DENND4A: variants seen among roughly 807,000 people sequenced by gnomAD.
DENND4A encodes the protein DENN domain containing 4A, also known as C-myc promoter-binding protein.
In DENND4A, 70 loss-of-function variants were observed where a neutral mutation model predicts 199.3. The observed-to-expected ratio is 0.35, with a 90% CI of 0.29 to 0.43. DENND4A has a LOEUF of 0.43. DENND4A is among the 20% of genes least tolerant of loss of function. The pLI is 1.00. For synonymous variants in DENND4A, 686 were observed against 766.9 expected, an observed-to-expected ratio of 0.89 and a Z score of 1.74; for missense variants, 1,723 against 2,255.8, an observed-to-expected ratio of 0.76 and a Z score of 4.78.
chr15:65,748,546 G>A (rs1366926937), intron 4 of DENND4A, among the ~76,000 whole-genome samples: 2 of 151,070 alleles, frequency 1.3e-5, no homozygotes, highest in African/African-American at 4.9e-5. Flanking sequence ...GTTAGCCCAG[G>A]AGTTTGAGGC....
chr15:65,775,205 G>T (rs938367632), intron 1 of DENND4A, among the ~76,000 whole-genome samples: 4 of 151,888 alleles, frequency 2.6e-5, no homozygotes, highest in Non-Finnish European at 5.9e-5. Context: ...AATTAGCTGG[G>T]CATGATTGCT....
At chr15:65,746,872 G>A (rs942918552) in intron 4 of DENND4A, among the ~76,000 whole-genome samples, 4 of 150,584 alleles carry the variant, frequency 2.7e-5, no homozygotes, top group Non-Finnish European at 4.4e-5. Flanking sequence ...CAGAAGACCA[G>A]CCTGGCCAAT....
intron 1 of DENND4A, among the ~76,000 whole-genome samples, chr15:65,777,063 G>A (rs1399231240): frequency 6.6e-6 from 1 of 152,166 alleles, no homozygotes; most frequent in Non-Finnish European, 1.5e-5. Flanking sequence ...AGCTACTCAG[G>A]AGGCTGAGGC....
At position 65,706,196 on chromosome 15, in the gene DENND4A, C is replaced by T. The variant is rs535585248; in HGVS notation, c.1982G>A (p.Arg661Gln). The T allele has an allele frequency of 1.0e-4, 164 of 1,588,796 alleles. No homozygotes were observed. Among genetic ancestry groups the T allele is most frequent in the Non-Finnish European group, 1.3e-4 (153 of 1,167,088 alleles). The change falls in exon 15 of 33, where the codon CGA becomes CAA. Residue 661 changes from arginine (R) to glutamine (Q), a missense_variant. Transcript: ENST00000443035. ...KVDMDKSGEVRLIELDESFKS... is the reference protein window; with the variant it reads ...KVDMDKSGEVQLIELDESFKS... ...GAAAGATTCATCCAGTTCTATAAGT[C>T]GTACTTCACCGCTCTTGTCCATATC...
chr15:65,736,015 T>C (rs2076105407), intron 7 of DENND4A, among the ~76,000 whole-genome samples: 2 of 152,170 alleles, frequency 1.3e-5, no homozygotes, highest in Non-Finnish European at 2.9e-5. Context: ...ATACAAACTT[T>C]CAAGTGGAAA....
In DENND4A at chr15:65,782,147, C is replaced by T. The variant is rs112845483; in HGVS notation, c.-102+9863G>A. On this transcript the variant is annotated intron_variant, in intron 1 of 32. Transcript: ENST00000443035. ...TGTGAATACTAAACAATGTACTACA[C>T]GGGACCTCACATATAGTAAGTGTTA... is the stretch of plus-strand genomic sequence containing the variant. Among the ~76,000 whole-genome samples, 409 of 152,218 alleles carry T rather than the reference C, an allele frequency of 2.7e-3. 1 individual carries two copies. The highest frequency in any genetic ancestry group is 8.8e-3 in the African/African-American group (365 of 41,540).
At chr15:65,697,097 T>C (rs1409898723) in intron 21 of DENND4A, among the ~76,000 whole-genome samples, 170 bp downstream of exon 21, 4 of 152,180 alleles carry the variant, frequency 2.6e-5, no homozygotes, top group Non-Finnish European at 5.9e-5. Context: ...ACTTCATACA[T>C]AAAGCATTTG....
chr15:65,702,512 C>A lies in DENND4A; in HGVS notation c.2224-1G>T. 6.4e-7 allele frequency: 1 copy of A among 1,568,830 alleles called. No individual in the cohort carries two copies. Among genetic ancestry groups the A allele is most frequent in the East Asian group, 2.3e-5 (1 of 42,596 alleles). On this transcript the variant is annotated splice_acceptor_variant, in intron 16 of 32. Coordinates refer to ENST00000443035, the MANE Select transcript of DENND4A (RefSeq NM_001320835.1). LOFTEE classifies it high-confidence loss of function. ...CAATTTTATGGGCTGATTTAATTTC[C>A]TGGAAAAAATATAAAGATCTTACTA...
Position 65,684,818 on chromosome 15 carries a change from ATT to A in DENND4A, c.4179+5595_4179+5596del, listed in dbSNP as rs541989496. Among the ~76,000 whole-genome samples the A allele has an allele frequency of 9.2e-3, 964 of 104,920 alleles. 6 individuals are homozygous for A. Among genetic ancestry groups the A allele is most frequent in the African/African-American group, 0.032 (886 of 27,926 alleles). The allele number at this position is 104,920 out of a possible 152,430, so 68.8% of individuals were successfully genotyped here. A position where few individuals can be genotyped will look rare whatever the true frequency, so the allele number is the denominator to read the frequency against. On this transcript the variant is annotated intron_variant, in intron 23 of 32. Coordinates refer to ENST00000443035, the MANE Select transcript of DENND4A (RefSeq NM_001320835.1). ...GATTTTCTTCCTATATTTTCTTCCAATTTTTTTTTTTTTTTTTTTTTTTGAGA... is the reference window on the plus strand; with the variant it reads ...GATTTTCTTCCTATATTTTCTTCCAATTTTTTTTTTTTTTTTTTTTTGAGA...
chr15:65,728,029 G>A (rs913023399), intron 11 of DENND4A, among the ~76,000 whole-genome samples: 1 of 150,614 alleles, frequency 6.6e-6, no homozygotes, highest in Non-Finnish European at 1.5e-5. Flanking sequence ...TTTCTTTTGA[G>A]ACAGAGTCTC....
At chr15:65,784,630 T>C (rs1319557351) in intron 1 of DENND4A, among the ~76,000 whole-genome samples, 3 of 152,178 alleles carry the variant, frequency 2.0e-5, no homozygotes, top group Non-Finnish European at 4.4e-5. Flanking sequence ...TATAGTGGGT[T>C]GGACAAAAAC....
chr15:65,753,393 C>T (rs2076616769), intron 3 of DENND4A, among the ~76,000 whole-genome samples: 1 of 152,186 alleles, frequency 6.6e-6, no homozygotes, highest in South Asian at 2.1e-4. Context: ...GAGTCTCACT[C>T]TGTCACCCAG....
chr15:65,685,380 C>T (rs1293357912), intron 23 of DENND4A, among the ~76,000 whole-genome samples: 1 of 152,254 alleles, frequency 6.6e-6, no homozygotes, highest in Non-Finnish European at 1.5e-5. Context: ...CCTGCCTTGG[C>T]CTCCCAAAGT....
At chr15:65,788,422 T>C (rs141494420) in intron 1 of DENND4A, among the ~76,000 whole-genome samples, 10 of 152,348 alleles carry the variant, frequency 6.6e-5, no homozygotes, top group Middle Eastern at 3.4e-3. Flanking sequence ...GCTGTGTCTA[T>C]TATTGTGTAA....
Position 65,701,766 on chromosome 15 carries a change from TTATAA to T in DENND4A, c.2550_2554del (p.Tyr850Ter), listed in dbSNP as rs1367028554. The T allele has an allele frequency of 6.2e-7, 1 of 1,613,538 alleles. No individual in the cohort carries two copies. On this transcript the variant is annotated stop_gained and frameshift_variant, in exon 18 of 33. Coordinates refer to ENST00000443035, the MANE Select transcript of DENND4A (RefSeq NM_001320835.1). LOFTEE classifies it high-confidence loss of function. ...CCATTAAACCAAGGTATTTACCTTA[TTATAA>T]TAACCATAAGTAATGGCATTGGGGT...
In DENND4A at chr15:65,665,364, G is replaced by A. The variant is rs775430902; in HGVS notation, c.5340C>T (p.Tyr1780=). Residue 1780 remains tyrosine (Y), a synonymous_variant, in exon 30 of 33, where the codon TAC becomes TAT. Coordinates refer to ENST00000443035, the MANE Select transcript of DENND4A (RefSeq NM_001320835.1). The part of the protein sequence containing the change: ...KLHQDPGQPL[Y]ILWNAHTQKY... ...ACTTACTGTGTGCATTCCAGAGAATGTACAAGGGCTGTCCCGGATCCTGAT... is the reference window on the plus strand; with the variant it reads ...ACTTACTGTGTGCATTCCAGAGAATATACAAGGGCTGTCCCGGATCCTGAT... 6.2e-7 allele frequency: 1 copy of A among 1,613,558 alleles called. No individual in the cohort carries two copies. The highest frequency in any genetic ancestry group is 1.1e-5 in the South Asian group (1 of 91,030).
At chr15:65,715,744 C>T (rs1409423017) in intron 13 of DENND4A, 121 bp from the exon 14 acceptor site, 17 of 906,784 alleles carry the variant, frequency 1.9e-5, no homozygotes, top group African/African-American at 8.7e-5. Flanking sequence ...ACTACCATTT[C>T]GCAAGTGCTG....
chr15:65,766,376 TAAAC>T (rs1168226664), intron 1 of DENND4A: 1 of 152,162 alleles, frequency 6.6e-6, no homozygotes. Context: ...TGAACATAAT[TAAAC>T]AAACATATAA....
At chr15:65,728,593 C>T (rs527669428) in intron 11 of DENND4A, among the ~76,000 whole-genome samples, 91 of 151,808 alleles carry the variant, frequency 6.0e-4, no homozygotes, top group African/African-American at 2.2e-3. Flanking sequence ...AAGCAATTCT[C>T]CTGCTTCAGC....
Sources: allele counts gnomAD v4.1 joint callset (sites outside exome capture counted in the v4.1 genomes callset), GRCh38; gene constraint gnomAD v4.1.1; transcripts MANE v1.5; gene names NCBI Gene and HGNC (gene_info 2026-07-23, HGNC 2026-07-21).